BCAS3: variants seen among roughly 807,000 people sequenced by gnomAD.
BCAS3 encodes BCAS4/BCAS3 fusion.
Under a neutral mutation model 116.1 loss-of-function variants are expected in BCAS3, and 53 were observed. That is an observed-to-expected ratio of 0.46 (90% CI 0.37 to 0.57). The LOEUF is 0.57. Ranked by LOEUF, BCAS3 falls within the 20% of genes least tolerant of loss-of-function variation. The pLI is 0.00. For synonymous variants in BCAS3, 391 were observed against 408.2 expected, an observed-to-expected ratio of 0.96 and a Z score of 0.51; for missense variants, 917 against 1,165.4, an observed-to-expected ratio of 0.79 and a Z score of 3.10.
rs1374081932 is a variant in BCAS3 at position 61,215,990 on chromosome 17, C to A, written c.2425+131426C>A. 6.6e-6 allele frequency among the ~76,000 whole-genome samples: 1 copy of A among 152,118 alleles called. No individual in the cohort carries two copies. Among genetic ancestry groups the A allele is most frequent in the East Asian group, 1.9e-4 (1 of 5,204 alleles). ...AAATATATATTTTGGTTGGTTCTCC[C>A]AGTAGTAGATCGCTGATATTTCAGA... On this transcript the variant is annotated intron_variant, in intron 22 of 23. Transcript: ENST00000407086. The surrounding 1 kb of genome is among the most constrained non-coding windows in gnomAD (Gnocchi z 4.8).
rs1337883644 is a variant in BCAS3, at chr17:61,037,702, G to A, written c.1763-187G>A. 6.6e-6 allele frequency among the ~76,000 whole-genome samples: 1 copy of A among 152,086 alleles called. No homozygotes were observed. Among genetic ancestry groups the A allele is most frequent in the Non-Finnish European group, 1.5e-5 (1 of 68,028 alleles). On this transcript the variant is annotated intron_variant, in intron 17 of 23. Transcript: ENST00000407086. This position sits in a 1 kb window ranked among gnomAD's most constrained non-coding sequence, Gnocchi z 4.7. The stretch of plus-strand genomic sequence containing the variant: ...CGGGAGAACCATTTGAACCAGGGAG[G>A]CGGCAGCCTGGGCAGCAAGAGCAAA...
chr17:60,992,985 T>C (rs2063625889), intron 15 of BCAS3, among the ~76,000 whole-genome samples: 1 of 152,192 alleles, frequency 6.6e-6, no homozygotes, highest in Non-Finnish European at 1.5e-5. Context: ...ACAGATGTAT[T>C]AGTAAATTAA....
intron 6 of BCAS3, among the ~76,000 whole-genome samples, chr17:60,768,652 T>C (rs923576759): frequency 6.6e-6 from 1 of 152,166 alleles, no homozygotes; most frequent in African/African-American, 2.4e-5. Context: ...CCCTGACTAA[T>C]ATGGTAGCTT....
chr17:61,243,064 A>G lies in BCAS3; in HGVS notation c.2426-125263A>G, dbSNP rs1161777738. Among the ~76,000 whole-genome samples the G allele has an allele frequency of 6.6e-6, 1 of 152,038 alleles. No homozygotes were observed. Among genetic ancestry groups the G allele is most frequent in the African/African-American group, 2.4e-5 (1 of 41,378 alleles). ...GTAGCTGGGACTACAGGCGCGCACC[A>G]CCACACCCATCTAATTTTTGTATTT... On this transcript the variant is annotated intron_variant, in intron 22 of 23. Coordinates refer to ENST00000407086, the MANE Select transcript of BCAS3 (RefSeq NM_017679.5). This position sits in a 1 kb window ranked among gnomAD's most constrained non-coding sequence, Gnocchi z 5.6.
In BCAS3 at chr17:61,346,452, C is replaced by T. The variant is rs774872202; in HGVS notation, c.2426-21875C>T. Among the ~76,000 whole-genome samples, 8 of 152,144 alleles carry T rather than the reference C, an allele frequency of 5.3e-5. No individual in the cohort carries two copies. The highest frequency in any genetic ancestry group is 2.1e-4 in the South Asian group (1 of 4,834). Reference sequence around the variant, plus strand: ...TTTATACCTCAGCTTCTTTCTGAAACGGAAGAGCTGCCTGGGGCTGTTGTG... The same window carrying T: ...TTTATACCTCAGCTTCTTTCTGAAATGGAAGAGCTGCCTGGGGCTGTTGTG... On this transcript the variant is annotated intron_variant, in intron 22 of 23. Transcript: ENST00000407086. This position sits in a 1 kb window ranked among gnomAD's most constrained non-coding sequence, Gnocchi z 5.4.
intron 6 of BCAS3, among the ~76,000 whole-genome samples, chr17:60,791,403 C>T (rs1156802778): frequency 6.6e-6 from 1 of 152,142 alleles, no homozygotes; most frequent in Non-Finnish European, 1.5e-5. Context: ...GTCTGTATCC[C>T]AGCTCTTTGG....
intron 19 of BCAS3, among the ~76,000 whole-genome samples, chr17:61,062,320 A>C (rs2070140111): frequency 6.6e-6 from 1 of 152,182 alleles, no homozygotes; most frequent in Non-Finnish European, 1.5e-5. Flanking sequence ...ATTGTATTCT[A>C]TACTCCTGTA....
At position 60,964,642 on chromosome 17, in the gene BCAS3, A is replaced by G. The variant is rs1351640164; in HGVS notation, c.1221+17290A>G. 1.3e-5 allele frequency among the ~76,000 whole-genome samples: 2 copies of G among 152,146 alleles called. No homozygotes were observed. Among genetic ancestry groups the G allele is most frequent in the Non-Finnish European group, 2.9e-5 (2 of 68,022 alleles). On this transcript the variant is annotated intron_variant, in intron 14 of 23. Transcript: ENST00000407086. This position sits in a 1 kb window ranked among gnomAD's most constrained non-coding sequence, Gnocchi z 4.6. The stretch of plus-strand genomic sequence containing the variant: ...AATTCTTCTTTAAATGTTTGGTAGA[A>G]TTCAGCAGTGAAGTTGTGAAGTCCT...
At chr17:60,774,008 A>G (rs1259553553) in intron 6 of BCAS3, among the ~76,000 whole-genome samples, 2 of 152,168 alleles carry the variant, frequency 1.3e-5, no homozygotes, top group Non-Finnish European at 2.9e-5. Context: ...GCTTTTGGAA[A>G]TATCTTCTAC....
At chr17:60,843,470 C>T (rs983701699) in intron 7 of BCAS3, among the ~76,000 whole-genome samples, 1 of 152,104 alleles carries the variant, frequency 6.6e-6, no homozygotes, top group Non-Finnish European at 1.5e-5. Flanking sequence ...CCACCCGACT[C>T]GGCCTCCCAA....
chr17:60,770,247 A>C (rs1011173038), intron 6 of BCAS3, among the ~76,000 whole-genome samples: 3 of 151,858 alleles, frequency 2.0e-5, no homozygotes, highest in African/African-American at 7.3e-5. Flanking sequence ...ATCATGAAAC[A>C]CTGTGGTGGG....
chr17:60,956,939 C>A lies in BCAS3; in HGVS notation c.1221+9587C>A, dbSNP rs920277080. Among the ~76,000 whole-genome samples, 1 of 152,082 alleles carries A rather than the reference C, an allele frequency of 6.6e-6. No individual in the cohort carries two copies. The highest frequency in any genetic ancestry group is 6.5e-5 in the Admixed American group (1 of 15,274). On this transcript the variant is annotated intron_variant, in intron 14 of 23. Coordinates refer to ENST00000407086, the MANE Select transcript of BCAS3 (RefSeq NM_017679.5). The surrounding 1 kb of genome is among the most constrained non-coding windows in gnomAD (Gnocchi z 4.2). Reference sequence around the variant, plus strand: ...TTCTGGATTCTTCCAAGAACTCTGACGGTACTTTAATCAGGCAAGGAAAAA... The same window carrying A: ...TTCTGGATTCTTCCAAGAACTCTGAAGGTACTTTAATCAGGCAAGGAAAAA...
intron 15 of BCAS3, among the ~76,000 whole-genome samples, chr17:60,998,536 C>G (rs1364589213): frequency 6.6e-6 from 1 of 152,130 alleles, no homozygotes; most frequent in East Asian, 1.9e-4. Context: ...TTACTAATAG[C>G]CATTCTGACT....
intron 19 of BCAS3, among the ~76,000 whole-genome samples, chr17:61,044,952 G>A (rs1359581865): frequency 6.6e-6 from 1 of 151,700 alleles, no homozygotes; most frequent in Non-Finnish European, 1.5e-5. Flanking sequence ...AGTAGAGATG[G>A]GGTTTCACCA....
At chr17:60,882,399 C>G (rs1156977149) in intron 9 of BCAS3, among the ~76,000 whole-genome samples, 16 of 148,348 alleles carry the variant, frequency 1.1e-4, no homozygotes, top group Admixed American at 6.0e-4. Flanking sequence ...GTGGCCTGTT[C>G]ACTCTGACGG....
rs891498127 is a variant in BCAS3, at chr17:61,199,319, C to T, written c.2425+114755C>T. On this transcript the variant is annotated intron_variant, in intron 22 of 23. Coordinates refer to ENST00000407086, the MANE Select transcript of BCAS3 (RefSeq NM_017679.5). The surrounding 1 kb of genome is among the most constrained non-coding windows in gnomAD (Gnocchi z 4.6). The stretch of plus-strand genomic sequence containing the variant: ...CCTTACTCTTTCCTCTCTACACTGC[C>T]ACAGCTACAACTGCTTCCCTGTCAA... Among the ~76,000 whole-genome samples the T allele has an allele frequency of 6.6e-6, 1 of 152,136 alleles. No individual in the cohort carries two copies. The highest frequency in any genetic ancestry group is 1.5e-5 in the Non-Finnish European group (1 of 68,034).
intron 5 of BCAS3, among the ~76,000 whole-genome samples, chr17:60,719,857 A>G (rs1271564805): frequency 2.0e-5 from 3 of 152,208 alleles, no homozygotes; most frequent in Admixed American, 6.5e-5. Flanking sequence ...ACCAAAAACC[A>G]TGGTAAGTGG....
intron 22 of BCAS3, among the ~76,000 whole-genome samples, chr17:61,185,307 T>C (rs1331777703): frequency 1.3e-5 from 2 of 152,082 alleles, no homozygotes; most frequent in African/African-American, 4.8e-5. Flanking sequence ...TTAAAAAAAA[T>C]AAAAATTTTA....
chr17:60,753,359 T>G (rs1414851510), intron 6 of BCAS3, among the ~76,000 whole-genome samples: 1 of 151,142 alleles, frequency 6.6e-6, no homozygotes, highest in East Asian at 1.9e-4. Context: ...ATTAAAATTT[T>G]ATTTTGTTGT....
Sources: allele counts gnomAD v4.1 joint callset (sites outside exome capture counted in the v4.1 genomes callset), GRCh38; gene constraint gnomAD v4.1.1; non-coding constraint Gnocchi (gnomAD v3.1); transcripts MANE v1.5; gene names NCBI Gene and HGNC (gene_info 2026-07-23, HGNC 2026-07-21).